The following DNER variants were observed in gnomAD, a reference collection of about 807,000 sequenced individuals.
DNER encodes the protein delta and Notch-like epidermal growth factor-related receptor.
Under a neutral mutation model 78.2 loss-of-function variants are expected in DNER, and 33 were observed. The ratio of observed to expected loss-of-function variants is 0.42; its 90% CI spans 0.32 to 0.56. The LOEUF is 0.56. DNER is among the 20% of genes least tolerant of loss of function. The pLI is 0.11. For synonymous variants in DNER, 417 were observed against 384.8 expected (o/e 1.08, Z -0.98); for missense variants, 918 against 975.3 (o/e 0.94, Z 0.78).
chr2:229,638,207 T>C (rs1698559223), intron 1 of DNER, among the ~76,000 whole-genome samples: 1 of 152,186 alleles, frequency 6.6e-6, no homozygotes, highest in Admixed American at 6.5e-5. Flanking sequence ...GAAAAAATAT[T>C]TTATAGACAG....
At chr2:229,503,172 A>G (rs1695656846) in intron 6 of DNER, among the ~76,000 whole-genome samples, 1 of 152,176 alleles carries the variant, frequency 6.6e-6, no homozygotes, top group Non-Finnish European at 1.5e-5. Context: ...ATTCCTAAGG[A>G]CCTAATGGGG....
intron 1 of DNER, among the ~76,000 whole-genome samples, chr2:229,671,208 C>T (rs980107673): frequency 2.6e-5 from 4 of 152,190 alleles, no homozygotes; most frequent in Non-Finnish European, 5.9e-5. Flanking sequence ...GAAAACATTG[C>T]TGTTGCCCAA....
chr2:229,600,844 G>A (rs1362072845), intron 1 of DNER, among the ~76,000 whole-genome samples: 1 of 152,206 alleles, frequency 6.6e-6, no homozygotes, highest in African/African-American at 2.4e-5. Flanking sequence ...CGATGGATGG[G>A]GAAAGGTCAC....
At chr2:229,599,052 C>G (rs1038690266) in intron 1 of DNER, among the ~76,000 whole-genome samples, 5 of 152,134 alleles carry the variant, frequency 3.3e-5, no homozygotes, top group African/African-American at 1.2e-4. Context: ...TTGAGGAAAC[C>G]AAATGTGACA....
chr2:229,575,896 C>T (rs898738266), intron 4 of DNER, among the ~76,000 whole-genome samples: 6 of 152,070 alleles, frequency 3.9e-5, no homozygotes, highest in Non-Finnish European at 5.9e-5. Context: ...ATCTTGATTG[C>T]TGACAATATT....
At chr2:229,549,358 T>A (rs1380247935) in intron 4 of DNER, among the ~76,000 whole-genome samples, 1 of 152,304 alleles carries the variant, frequency 6.6e-6, no homozygotes, top group African/African-American at 2.4e-5. Flanking sequence ...CAGGCTGGAG[T>A]GCAGTGGTTC....
intron 1 of DNER, among the ~76,000 whole-genome samples, chr2:229,674,373 G>C (rs1415027703): frequency 6.6e-6 from 1 of 152,144 alleles, no homozygotes; most frequent in Non-Finnish European, 1.5e-5. Context: ...CCGCCTCCTG[G>C]GTTTAAGCGA....
chr2:229,514,762 A>ACACT (rs1392919499), intron 5 of DNER, among the ~76,000 whole-genome samples: 1 of 152,196 alleles, frequency 6.6e-6, no homozygotes, highest in African/African-American at 2.4e-5. Flanking sequence ...TACACTGCAT[A>ACACT]GGAGGATGCC....
At position 229,363,200 on chromosome 2, in the gene DNER, C is replaced by A. The variant is rs553691111; in HGVS notation, c.2102+3673G>T. ...GAGAGGGAGGGGTCTCCTTCTCAAC[C>A]CTACTAGGAGTTACAACCAACAGAC... On this transcript the variant is annotated intron_variant, in intron 12 of 12. Coordinates refer to ENST00000341772, the MANE Select transcript of DNER (RefSeq NM_139072.4). Among the ~76,000 whole-genome samples, 9 of 152,252 alleles carry A rather than the reference C, an allele frequency of 5.9e-5. No homozygotes were observed. The South Asian group carries it at 1.9e-3, about 32-fold the overall frequency.
chr2:229,479,907 C>G (rs563989592), intron 6 of DNER, among the ~76,000 whole-genome samples: 2 of 152,064 alleles, frequency 1.3e-5, no homozygotes, highest in Admixed American at 6.6e-5. Context: ...CAAGTGGTAG[C>G]TTCTTAGAGG....
intron 8 of DNER, among the ~76,000 whole-genome samples, chr2:229,431,224 CA>C (rs1281388984): frequency 1.3e-5 from 2 of 152,142 alleles, no homozygotes; most frequent in Non-Finnish European, 2.9e-5. Flanking sequence ...CATTCTCCCT[CA>C]AAAACATTTA....
intron 8 of DNER, among the ~76,000 whole-genome samples, chr2:229,442,248 G>A (rs949444467): frequency 6.6e-6 from 1 of 152,220 alleles, no homozygotes; most frequent in African/African-American, 2.4e-5. Context: ...CGGGAGCAGT[G>A]CTCACGCCTG....
At chr2:229,658,406 T>A (rs1698948053) in intron 1 of DNER, among the ~76,000 whole-genome samples, 1 of 152,174 alleles carries the variant, frequency 6.6e-6, no homozygotes, top group African/African-American at 2.4e-5. Context: ...AGCCTTCAGG[T>A]ACACTGTTGC....
chr2:229,453,846 G>A (rs17483785), intron 7 of DNER, among the ~76,000 whole-genome samples: 5,649 of 150,056 alleles, frequency 0.038, 152 homozygotes, highest in South Asian at 0.073. Flanking sequence ...CAGACAGACG[G>A]ATGGATGAAT....
intron 12 of DNER, among the ~76,000 whole-genome samples, chr2:229,362,967 G>C (rs1039465984): frequency 2.6e-5 from 4 of 152,184 alleles, no homozygotes; most frequent in Non-Finnish European, 5.9e-5. Flanking sequence ...GGAAGGTTTT[G>C]AGCTATTGGG....
Position 229,647,804 on chromosome 2 carries a change from G to A in DNER, c.277-55916C>T, listed in dbSNP as rs766726648. Among the ~76,000 whole-genome samples, 23 of 152,304 alleles carry A rather than the reference G, an allele frequency of 1.5e-4. 1 individual carries two copies. The highest frequency in any genetic ancestry group is 2.5e-4 in the Non-Finnish European group (17 of 68,022). On this transcript the variant is annotated intron_variant, in intron 1 of 12. Coordinates refer to ENST00000341772, the MANE Select transcript of DNER (RefSeq NM_139072.4). ...CCTCATAAGAATTTTAAGGGAAAAGGCAGAGTATAAAATTGTATATGTAAA... is the reference window on the plus strand; with the variant it reads ...CCTCATAAGAATTTTAAGGGAAAAGACAGAGTATAAAATTGTATATGTAAA...
chr2:229,458,960 T>C (rs1386989989), intron 7 of DNER, among the ~76,000 whole-genome samples: 1 of 152,064 alleles, frequency 6.6e-6, no homozygotes, highest in Non-Finnish European at 1.5e-5. Flanking sequence ...CAATAGTGTT[T>C]CTATACACTA....
chr2:229,455,219 C>A (rs1008265426), intron 7 of DNER, among the ~76,000 whole-genome samples: 1 of 152,072 alleles, frequency 6.6e-6, no homozygotes, highest in African/African-American at 2.4e-5. Context: ...GAAGCAAGAA[C>A]AGGTTTTATA....
At chr2:229,587,097 T>A in intron 3 of DNER, 4 of 663,738 alleles carry the variant, frequency 6.0e-6, no homozygotes, top group Non-Finnish European at 7.5e-6. Flanking sequence ...CAAAAGCATT[T>A]AACGAGATAG....
Sources: gnomAD v4.1 joint callset for allele counts (sites outside exome capture counted in the v4.1 genomes callset) on GRCh38, gnomAD v4.1.1 for gene constraint, MANE v1.5 for transcripts, NCBI Gene and HGNC (gene_info 2026-07-23, HGNC 2026-07-21) for gene names.